The following PDZD8 variants were observed in gnomAD, a reference collection of about 807,000 sequenced individuals.
The protein encoded by PDZD8 is PDZ domain containing 8.
Under a neutral mutation model 85.8 loss-of-function variants are expected in PDZD8, and 14 were observed. The ratio of observed to expected loss-of-function variants is 0.16; its 90% CI spans 0.11 to 0.26. The LOEUF (loss-of-function observed/expected upper bound fraction) is 0.26, where lower values mean the gene tolerates loss of function less well. PDZD8 is among the 10% of genes least tolerant of loss of function. PDZD8 has a pLI of 1.00. For synonymous variants in PDZD8, 592 were observed against 568.6 expected (o/e 1.04, Z -0.59); for missense variants, 1,197 against 1,424.3 (o/e 0.84, Z 2.57).
At chr10:117,355,228 C>T (rs779364540) in intron 1 of PDZD8, among the ~76,000 whole-genome samples, 8 of 152,184 alleles carry the variant, frequency 5.3e-5, no homozygotes, top group Non-Finnish European at 1.2e-4. Flanking sequence ...TGATGCCATA[C>T]GTAGCCTAGT....
rs1208770434 is a variant in PDZD8, at chr10:117,285,346, CAA to C, written c.1385_1386del (p.Phe462TrpfsTer17). 6.2e-7 allele frequency: 1 copy of C among 1,614,088 alleles called. No homozygotes were observed. Among genetic ancestry groups the C allele is most frequent in the Non-Finnish European group, 8.5e-7 (1 of 1,180,014 alleles). ...GACAAAAAGTTTTCTTCCAACTGGCCAAAGTTATCTTGCAGCACTGCACCTTG... is the reference window on the plus strand; with the variant it reads ...GACAAAAAGTTTTCTTCCAACTGGCCAGTTATCTTGCAGCACTGCACCTTG... ...SNQGAVLQDN[F>X]GQLEENFLSS... On this transcript the variant is annotated frameshift_variant, in exon 5 of 5. Transcript: ENST00000334464. LOFTEE classifies it high-confidence loss of function.
At chr10:117,286,585 C>A (rs1457637641) in intron 4 of PDZD8, among the ~76,000 whole-genome samples, 1 of 152,202 alleles carries the variant, frequency 6.6e-6, no homozygotes, top group Non-Finnish European at 1.5e-5. Flanking sequence ...CATCAAAGAT[C>A]TTTCATTTTC....
At chr10:117,306,745 A>C (rs935898646) in intron 3 of PDZD8, among the ~76,000 whole-genome samples, 3 of 152,084 alleles carry the variant, frequency 2.0e-5, no homozygotes, top group Non-Finnish European at 4.4e-5. Flanking sequence ...CTCCAAAACT[A>C]GTAAAGAATT....
intron 3 of PDZD8, among the ~76,000 whole-genome samples, chr10:117,313,986 T>C (rs561876857): frequency 6.6e-6 from 1 of 152,324 alleles, no homozygotes; most frequent in South Asian, 2.1e-4. Flanking sequence ...TTATCATCAC[T>C]ACTAATTATT....
At chr10:117,339,326 C>T (rs1026054738) in intron 2 of PDZD8, among the ~76,000 whole-genome samples, 1 of 151,908 alleles carries the variant, frequency 6.6e-6, no homozygotes, top group Non-Finnish European at 1.5e-5. Context: ...GAAATGTAGC[C>T]GGAGGATAGT....
chr10:117,375,036 G>A lies in PDZD8; in HGVS notation c.192C>T (p.Gly64=). 6.3e-7 allele frequency: 1 copy of A among 1,591,384 alleles called. No individual in the cohort carries two copies. The highest frequency in any genetic ancestry group is 8.5e-7 in the Non-Finnish European group (1 of 1,170,102). ...CCGCTCCGGAGGGCTCCTCATCCCG[G>A]CCGCCGCCATAAAGGTACTCCCTTA... The part of the protein sequence containing the change: ...LLLREYLYGG[G]RDEEPSGAAP... Residue 64 remains glycine, a synonymous_variant, in exon 1 of 5, where the codon GGC becomes GGT. Transcript: ENST00000334464.
At chr10:117,340,638 C>T (rs1057350861) in intron 2 of PDZD8, among the ~76,000 whole-genome samples, 2 of 152,166 alleles carry the variant, frequency 1.3e-5, no homozygotes, top group Non-Finnish European at 2.9e-5. Context: ...GACTTCCTTA[C>T]TCTGCTTTAA....
intron 3 of PDZD8, among the ~76,000 whole-genome samples, chr10:117,296,573 T>C (rs1843762457): frequency 6.6e-6 from 1 of 152,122 alleles, no homozygotes; most frequent in Non-Finnish European, 1.5e-5. Flanking sequence ...GCTTGCTATA[T>C]GTTAGATAAA....
intron 3 of PDZD8, among the ~76,000 whole-genome samples, chr10:117,297,371 C>T (rs1843774716): frequency 6.6e-6 from 1 of 152,130 alleles, no homozygotes; most frequent in African/African-American, 2.4e-5. Context: ...GTTAAACATA[C>T]ACTCACCATA....
At chr10:117,328,724 T>C (rs1844362499) in intron 2 of PDZD8, among the ~76,000 whole-genome samples, 2 of 152,214 alleles carry the variant, frequency 1.3e-5, no homozygotes, top group Non-Finnish European at 2.9e-5. Context: ...ACCCACTGTT[T>C]TGCCAATGCC....
chr10:117,340,930 C>T (rs374783358), intron 2 of PDZD8, 50 bp downstream of exon 2: 95 of 1,596,490 alleles, frequency 6.0e-5, no homozygotes, highest in Non-Finnish European at 7.7e-5. Flanking sequence ...GGAATATTTT[C>T]ACTGCACTGT....
In PDZD8 at chr10:117,360,559, C is replaced by G. The variant is rs141359848; in HGVS notation, c.872+13797G>C. Among the ~76,000 whole-genome samples, 201 of 152,092 alleles carry G rather than the reference C, an allele frequency of 1.3e-3. 2 individuals carry two copies. Among genetic ancestry groups the G allele is most frequent in the Middle Eastern group, 3.4e-3 (1 of 294 alleles). ...TGATATATGTCCTTGATTCTCACAA[C>G]TCATAACAAGGTACAGTATAATAAA... On this transcript the variant is annotated intron_variant, in intron 1 of 4. Coordinates refer to ENST00000334464, the MANE Select transcript of PDZD8 (RefSeq NM_173791.5).
At position 117,374,613 on chromosome 10, in the gene PDZD8, G is replaced by A. The variant is rs1475602121; in HGVS notation, c.615C>T (p.Ala205=). 1 of 1,587,338 alleles carries A rather than the reference G, an allele frequency of 6.3e-7. No individual in the cohort carries two copies. The highest frequency in any genetic ancestry group is 8.6e-7 in the Non-Finnish European group (1 of 1,166,430). ...TGCCGAAGACCAGGTCCACGTCGAT[G>A]GCCAGGTGGAAGCCCCCGTTGTACT... ...EVEYNGGFHL[A]IDVDLVFGKS... The change falls in exon 1 of 5, where the codon GCC becomes GCT. Residue 205 remains alanine (A), a synonymous_variant. Transcript: ENST00000334464. The surrounding 1 kb of genome is among the most constrained non-coding windows in gnomAD (Gnocchi z 7.8).
intron 3 of PDZD8, among the ~76,000 whole-genome samples, chr10:117,293,633 C>A (rs559929845): frequency 6.6e-6 from 1 of 152,086 alleles, no homozygotes; most frequent in Admixed American, 6.6e-5. Flanking sequence ...AGAGGTATAA[C>A]TTGGTTTCTT....
chr10:117,315,599 A>C (rs1013537901), intron 3 of PDZD8, among the ~76,000 whole-genome samples: 19 of 143,524 alleles, frequency 1.3e-4, no homozygotes, highest in African/African-American at 4.0e-4. Context: ...AAAAAAAAAA[A>C]AAAAAAAAAA....
At chr10:117,315,884 A>T (rs1564697176) in intron 3 of PDZD8, among the ~76,000 whole-genome samples, 1 of 152,212 alleles carries the variant, frequency 6.6e-6, no homozygotes, top group Non-Finnish European at 1.5e-5. Flanking sequence ...TTACTAAAAT[A>T]TCATGGCCTG....
chr10:117,356,526 C>G (rs1844897820), intron 1 of PDZD8, among the ~76,000 whole-genome samples: 1 of 152,144 alleles, frequency 6.6e-6, no homozygotes, highest in Admixed American at 6.5e-5. Context: ...CACTCACATC[C>G]AGGCCCATGC....
At chr10:117,290,696 A>G (rs906115994) in intron 3 of PDZD8, among the ~76,000 whole-genome samples, 36 of 152,162 alleles carry the variant, frequency 2.4e-4, no homozygotes, top group African/African-American at 8.4e-4. Flanking sequence ...ATTTTCTAAT[A>G]TATATTTAAC....
At chr10:117,305,471 TACACACACACACAC>T (rs57037106) in intron 3 of PDZD8, among the ~76,000 whole-genome samples, 59,137 of 141,798 alleles carry the variant, frequency 0.42, 12,461 homozygotes, top group East Asian at 0.52. Context: ...TACACACACA[TACACACACACACAC>T]ACACACACAC....
Sources: allele counts gnomAD v4.1 joint callset (sites outside exome capture counted in the v4.1 genomes callset), GRCh38; gene constraint gnomAD v4.1.1; non-coding constraint Gnocchi (gnomAD v3.1); transcripts MANE v1.5; gene names NCBI Gene and HGNC (gene_info 2026-07-23, HGNC 2026-07-21).